Variants in GUCY1A1 observed in about 807,000 individuals in gnomAD.
GUCY1A1 encodes guanylate cyclase soluble subunit alpha-1.
Under a neutral mutation model 64.5 loss-of-function variants are expected in GUCY1A1, and 48 were observed. The observed-to-expected ratio is 0.74, with a 90% CI of 0.59 to 0.95. The LOEUF is 0.95. Ranked by LOEUF, GUCY1A1 falls within the 40% of genes least tolerant of loss-of-function variation. The probability of loss-of-function intolerance (pLI) is 0.00; values close to 1 mark genes in which losing one functional copy is unlikely to be tolerated. For missense variants in GUCY1A1, 804 were observed against 825.3 expected, an observed-to-expected ratio of 0.97 and a Z score of 0.32; for synonymous variants, 308 against 303.4, an observed-to-expected ratio of 1.02 and a Z score of -0.16.
chr4:155,693,577 C>T (rs1473210389), intron 2 of GUCY1A1, among the ~76,000 whole-genome samples: 1 of 152,030 alleles, frequency 6.6e-6, no homozygotes, highest in African/African-American at 2.4e-5. Context: ...ATCAACACTG[C>T]GTGCATCTGC....
At chr4:155,715,181 T>C (rs1293905763) in intron 7 of GUCY1A1, among the ~76,000 whole-genome samples, 1 of 151,978 alleles carries the variant, frequency 6.6e-6, no homozygotes, top group East Asian at 1.9e-4. Flanking sequence ...TCTACTTTTT[T>C]TTCACTTCTG....
At chr4:155,726,058 T>C (rs1400081466) in intron 9 of GUCY1A1, among the ~76,000 whole-genome samples, 9 of 152,040 alleles carry the variant, frequency 5.9e-5, no homozygotes, top group Non-Finnish European at 1.2e-4. Context: ...ATGAATGACA[T>C]TGAAATTTTA....
intron 2 of GUCY1A1, among the ~76,000 whole-genome samples, chr4:155,692,740 T>C (rs1204796020): frequency 6.6e-6 from 1 of 152,214 alleles, no homozygotes; most frequent in Non-Finnish European, 1.5e-5. Flanking sequence ...TCTTGTTACA[T>C]GTAGTAAACA....
intron 2 of GUCY1A1, among the ~76,000 whole-genome samples, chr4:155,688,285 G>A (rs186895316): frequency 1.3e-5 from 2 of 151,958 alleles, no homozygotes; most frequent in East Asian, 3.9e-4. Flanking sequence ...GAAAATAAGG[G>A]TGTGTGTATG....
intron 4 of GUCY1A1, among the ~76,000 whole-genome samples, 172 bp downstream of exon 4, chr4:155,704,165 C>G (rs1000122861): frequency 6.6e-6 from 1 of 152,140 alleles, no homozygotes; most frequent in Non-Finnish European, 1.5e-5. Context: ...ATCTATTTAT[C>G]ACATTTTATA....
intron 9 of GUCY1A1, among the ~76,000 whole-genome samples, chr4:155,724,702 C>T (rs116277915): frequency 7.2e-4 from 110 of 152,156 alleles, no homozygotes; most frequent in African/African-American, 2.1e-3. Flanking sequence ...CCTTTGTTGC[C>T]GTGCTCAGAG....
At chr4:155,705,406 AGGCATGGT>A (rs1731618481) in intron 4 of GUCY1A1, among the ~76,000 whole-genome samples, 1 of 151,950 alleles carries the variant, frequency 6.6e-6, no homozygotes, top group Non-Finnish European at 1.5e-5. Context: ...AAAATTAGCC[AGGCATGGT>A]GGCAGATGCC....
intron 2 of GUCY1A1, among the ~76,000 whole-genome samples, chr4:155,670,955 G>T (rs961875313): frequency 1.3e-5 from 2 of 152,078 alleles, no homozygotes; most frequent in African/African-American, 4.8e-5. Context: ...TCTAGGTCCA[G>T]CCTATCTATT....
chr4:155,693,871 G>A (rs1192303654), intron 2 of GUCY1A1, among the ~76,000 whole-genome samples: 1 of 152,102 alleles, frequency 6.6e-6, no homozygotes, highest in Admixed American at 6.5e-5. Context: ...TATTGGGCTT[G>A]GGTACCAGCG....
At position 155,710,826 on chromosome 4, in the gene GUCY1A1, G is replaced by A; in HGVS notation, c.661G>A (p.Ala221Thr). The A allele has an allele frequency of 6.2e-7, 1 of 1,614,022 alleles. No individual in the cohort carries two copies. The highest frequency in any genetic ancestry group is 1.3e-5 in the African/African-American group (1 of 74,986). Residue 221 changes from alanine to threonine, a missense_variant, in exon 6 of 10, where the codon GCA becomes ACA. Coordinates refer to ENST00000506455, the MANE Select transcript of GUCY1A1 (RefSeq NM_001130682.3). ...TSLILPGIIKAAAHVLYETEV... is the reference protein window; with the variant it reads ...TSLILPGIIKTAAHVLYETEV... ...CCTGATTCTTCCCGGCATCATAAAG[G>A]CAGCTGCTCACGTATTATATGAAAC...
chr4:155,703,900 G>A (rs768969348), intron 3 of GUCY1A1, 32 bp from the exon 4 acceptor site: 1 of 1,361,680 alleles, frequency 7.3e-7, no homozygotes, highest in Non-Finnish European at 1.0e-6. Context: ...TTATATAAGG[G>A]AATGTTTAAA....
In GUCY1A1 at chr4:155,735,329, A is replaced by G. The variant is rs1247925221; in HGVS notation, c.*5098A>G. On this transcript the variant is annotated 3_prime_UTR_variant, in exon 10 of 10. Transcript: ENST00000506455. ...CAGAAAAACCTAAGCAAAAGGAAAA[A>G]AAAGTGATATTCTAAAAGCCACACT... 1 of 151,966 alleles carries G rather than the reference A, an allele frequency of 6.6e-6. No homozygotes were observed. Among genetic ancestry groups the G allele is most frequent in the African/African-American group, 2.4e-5 (1 of 41,420 alleles). 9.4% of individuals were successfully genotyped at this position (151,966 alleles called of 1,614,324 possible). A position where few individuals can be genotyped will look rare whatever the true frequency, so the allele number is the denominator to read the frequency against.
At chr4:155,715,774 T>C (rs962158675) in intron 7 of GUCY1A1, among the ~76,000 whole-genome samples, 4 of 152,198 alleles carry the variant, frequency 2.6e-5, no homozygotes, top group Non-Finnish European at 5.9e-5. Context: ...CATTCATTAC[T>C]GGGCACAGGT....
intron 2 of GUCY1A1, among the ~76,000 whole-genome samples, chr4:155,672,599 A>C (rs746178453): frequency 1.3e-5 from 2 of 152,206 alleles, no homozygotes; most frequent in Non-Finnish European, 2.9e-5. Flanking sequence ...GTTGACAAGG[A>C]TAGGTTCCTG....
At chr4:155,721,979 T>C in intron 8 of GUCY1A1, 59 bp from the exon 9 acceptor site, 1 of 1,160,110 alleles carries the variant, frequency 8.6e-7, no homozygotes, top group Non-Finnish European at 1.3e-6. Flanking sequence ...CAAACGACAC[T>C]GACGAGTAGG....
intron 2 of GUCY1A1, among the ~76,000 whole-genome samples, chr4:155,681,787 A>C (rs919735160): frequency 3.3e-5 from 5 of 152,288 alleles, no homozygotes; most frequent in African/African-American, 1.2e-4. Context: ...AGTTTTAGTT[A>C]AACTCCTGAC....
chr4:155,695,582 G>T (rs1297547798), intron 2 of GUCY1A1, among the ~76,000 whole-genome samples: 1 of 152,112 alleles, frequency 6.6e-6, no homozygotes, highest in Non-Finnish European at 1.5e-5. Context: ...AAACACATTG[G>T]CTTTGGAGTC....
chr4:155,688,797 AC>A (rs200732943), intron 2 of GUCY1A1, among the ~76,000 whole-genome samples: 3,374 of 151,068 alleles, frequency 0.022, 109 homozygotes, highest in African/African-American at 0.076. Flanking sequence ...AAGAAAAAAA[AC>A]AAAACAAAAC....
intron 3 of GUCY1A1, among the ~76,000 whole-genome samples, chr4:155,698,256 C>T (rs963087158): frequency 1.4e-5 from 2 of 147,422 alleles, no homozygotes; most frequent in African/African-American, 5.0e-5. Context: ...TTAGACTTAG[C>T]AGAAAGTTGA....
Sources: gnomAD v4.1 joint callset for allele counts (sites outside exome capture counted in the v4.1 genomes callset) on GRCh38, gnomAD v4.1.1 for gene constraint, MANE v1.5 for transcripts, NCBI Gene and HGNC (gene_info 2026-07-23, HGNC 2026-07-21) for gene names.